The following RELN variants were observed in gnomAD, a reference collection of about 807,000 sequenced individuals.
The protein encoded by RELN is reelin.
A neutral mutation model predicts 427.6 loss-of-function variants in RELN; 108 were observed. That is an observed-to-expected ratio of 0.25 (90% CI 0.22 to 0.30). The LOEUF is 0.30. Among genes scored for constraint, RELN ranks in the 10% least tolerant of loss-of-function variants. The pLI, the probability that RELN is intolerant of heterozygous loss-of-function variation, is 1.00. For missense variants in RELN, 3,715 were observed against 4,302.8 expected, an observed-to-expected ratio of 0.86 and a Z score of 3.82; for synonymous variants, 1,524 against 1,513.4, an observed-to-expected ratio of 1.01 and a Z score of -0.16.
intron 2 of RELN, among the ~76,000 whole-genome samples, chr7:103,882,711 G>A (rs1258675473): frequency 6.6e-6 from 1 of 152,020 alleles, no homozygotes; most frequent in Non-Finnish European, 1.5e-5. Flanking sequence ...TAAATTCCTG[G>A]ACACATACAC....
At chr7:103,865,376 G>GAAGA in intron 2 of RELN, among the ~76,000 whole-genome samples, 1 of 142,586 alleles carries the variant, frequency 7.0e-6, no homozygotes, top group Admixed American at 7.0e-5. Flanking sequence ...TAAATTGAAG[G>GAAGA]GATACTTCCA....
At chr7:103,735,917 G>A (rs550269592) in intron 6 of RELN, among the ~76,000 whole-genome samples, 48 of 152,312 alleles carry the variant, frequency 3.2e-4, no homozygotes, top group Non-Finnish European at 5.7e-4. Context: ...AATGGAGATA[G>A]TCAGATAATT....
intron 12 of RELN, among the ~76,000 whole-genome samples, chr7:103,657,384 G>T (rs144715631): frequency 1.5e-4 from 22 of 151,650 alleles, no homozygotes; most frequent in African/African-American, 5.1e-4. Flanking sequence ...ATATAAATAC[G>T]TATATATGAC....
chr7:103,809,518 C>T (rs1200046675), intron 3 of RELN, among the ~76,000 whole-genome samples: 7 of 151,864 alleles, frequency 4.6e-5, no homozygotes, highest in Admixed American at 6.6e-5. Flanking sequence ...TGGGTTTGAA[C>T]GTGTTGAGAG....
chr7:103,712,631 G>T (rs1045156165), intron 8 of RELN, among the ~76,000 whole-genome samples: 2 of 152,146 alleles, frequency 1.3e-5, no homozygotes, highest in African/African-American at 4.8e-5. Flanking sequence ...CAGAAATAAT[G>T]ATCATAAATA....
intron 3 of RELN, among the ~76,000 whole-genome samples, chr7:103,786,420 C>A (rs954243973): frequency 1.3e-5 from 2 of 149,890 alleles, no homozygotes; most frequent in Non-Finnish European, 3.0e-5. Context: ...AAGGCCAACC[C>A]ATCAATGTGC....
In RELN at chr7:103,481,279, A is replaced by G. The variant is rs566013013; in HGVS notation, c.10280+1594T>C. ...TGGGCAGGATGAAAATATCTACTCA[A>G]ATGTGTGATATGTTAAGAATTATTG... On this transcript the variant is annotated intron_variant, in intron 63 of 64. Coordinates refer to ENST00000428762, the MANE Select transcript of RELN (RefSeq NM_005045.4). 2.0e-5 allele frequency among the ~76,000 whole-genome samples: 3 copies of G among 152,282 alleles called. No individual in the cohort carries two copies. In the East Asian group the frequency reaches 5.8e-4, roughly 29 times the overall value.
rs1358259004 is a variant in RELN, at chr7:103,989,551, T to C, written c.-195A>G. ...GGGAGACGGCGGCTCCCAAAGTTAC[T>C]TTGGGCCGCGGGAGCGCGGGACCGG... On this transcript the variant is annotated 5_prime_UTR_variant, in exon 1 of 65. Coordinates refer to ENST00000428762, the MANE Select transcript of RELN (RefSeq NM_005045.4). This position sits in a 1 kb window ranked among gnomAD's most constrained non-coding sequence, Gnocchi z 4.9. The C allele has an allele frequency of 2.2e-6, 1 of 454,194 alleles. No individual in the cohort carries two copies. Among genetic ancestry groups the C allele is most frequent in the Non-Finnish European group, 3.6e-6 (1 of 277,032 alleles). 28.1% of individuals were successfully genotyped at this position (454,194 alleles called of 1,614,324 possible).
intron 31 of RELN, among the ~76,000 whole-genome samples, chr7:103,570,201 A>T (rs1284235407): frequency 6.6e-6 from 1 of 152,220 alleles, no homozygotes; most frequent in Non-Finnish European, 1.5e-5. Flanking sequence ...CACAGGGCAG[A>T]AAATAGCACT....
At chr7:103,647,117 A>C (rs1041014522) in intron 16 of RELN, among the ~76,000 whole-genome samples, 3 of 152,060 alleles carry the variant, frequency 2.0e-5, no homozygotes, top group Admixed American at 6.6e-5. Flanking sequence ...GAATGGGGAA[A>C]AAGTCAAAGC....
intron 8 of RELN, among the ~76,000 whole-genome samples, chr7:103,718,527 T>C (rs1789999389): frequency 6.6e-6 from 1 of 152,158 alleles, no homozygotes; most frequent in African/African-American, 2.4e-5. Context: ...ACTTAAAGTA[T>C]AGTTTACTGG....
At chr7:103,864,398 A>T (rs1794144574) in intron 2 of RELN, among the ~76,000 whole-genome samples, 1 of 152,172 alleles carries the variant, frequency 6.6e-6, no homozygotes, top group Non-Finnish European at 1.5e-5. Context: ...CACCTCTAGA[A>T]GTTACTCACC....
intron 33 of RELN, 123 bp from the exon 34 acceptor site, chr7:103,565,674 T>C (rs1830735139): frequency 2.3e-6 from 2 of 879,274 alleles, no homozygotes; most frequent in Non-Finnish European, 3.5e-6. Flanking sequence ...GTGCCCCCTA[T>C]GTGCTTTGAC....
rs996107337 is a variant in RELN, at chr7:103,746,516, C to T, written c.656+2910G>A. On this transcript the variant is annotated intron_variant, in intron 6 of 64. Coordinates refer to ENST00000428762, the MANE Select transcript of RELN (RefSeq NM_005045.4). ...TGGGAGAAAATTTTTGCAACCTACT[C>T]ATCTGACAAAGGGCTAATATCCAGA... Among the ~76,000 whole-genome samples the T allele has an allele frequency of 2.2e-4, 34 of 152,024 alleles. 1 individual carries two copies. Among genetic ancestry groups the T allele is most frequent in the Admixed American group, 7.8e-4 (12 of 15,288 alleles).
At chr7:103,677,410 TA>T (rs1833557667) in intron 11 of RELN, among the ~76,000 whole-genome samples, 1 of 57,938 alleles carries the variant, frequency 1.7e-5, no homozygotes, top group African/African-American at 9.3e-5. Context: ...TAAAGTATAA[TA>T]ATAATAATAA....
At chr7:103,519,802 G>C (rs1829659201) in intron 48 of RELN, among the ~76,000 whole-genome samples, 1 of 151,936 alleles carries the variant, frequency 6.6e-6, no homozygotes, top group Non-Finnish European at 1.5e-5. Flanking sequence ...CTTAACTCCT[G>C]GGCTCAAATG....
chr7:103,819,914 A>G (rs1033552497), intron 3 of RELN, among the ~76,000 whole-genome samples: 4 of 151,948 alleles, frequency 2.6e-5, no homozygotes, highest in African/African-American at 9.7e-5. Flanking sequence ...GTCCAGAAAT[A>G]TTGCTTTAAT....
rs931182655 is a variant in RELN at position 103,823,694 on chromosome 7, T to C, written c.473+9843A>G. On this transcript the variant is annotated intron_variant, in intron 3 of 64. Transcript: ENST00000428762. ...GTATATATGTTATACATAAATTTAT[T>C]TGCATGCTCAATGCTTAGAGTTTCT... is the stretch of plus-strand genomic sequence containing the variant. 6.6e-5 allele frequency among the ~76,000 whole-genome samples: 10 copies of C among 152,260 alleles called. 1 individual carries two copies. The highest frequency in any genetic ancestry group is 2.2e-4 in the African/African-American group (9 of 41,574).
rs369522512 is a variant in RELN, at chr7:103,989,230, G to T, written c.127C>A (p.His43Asn). The T allele has an allele frequency of 3.5e-5, 56 of 1,613,964 alleles. No individual in the cohort carries two copies. Among genetic ancestry groups the T allele is most frequent in the Non-Finnish European group, 4.7e-5 (55 of 1,180,006 alleles). Residue 43 changes from histidine (H) to asparagine (N), a missense_variant, in exon 1 of 65, where the codon CAC becomes AAC. Coordinates refer to ENST00000428762, the MANE Select transcript of RELN (RefSeq NM_005045.4). This position sits in a 1 kb window ranked among gnomAD's most constrained non-coding sequence, Gnocchi z 4.9. ...FSPFFFLCTH[H>N]GELEGDGEQG... ...TCCCCATCCCCTTCCAGCTCCCCGT[G>T]GTGGGTGCACAGGAAAAAGAAGGGC...
Sources: gnomAD v4.1 joint callset for allele counts (sites outside exome capture counted in the v4.1 genomes callset) on GRCh38, gnomAD v4.1.1 for gene constraint, Gnocchi (gnomAD v3.1) non-coding constraint, MANE v1.5 for transcripts, NCBI Gene and HGNC (gene_info 2026-07-23, HGNC 2026-07-21) for gene names.